Variants in MESD observed in about 807,000 individuals in gnomAD.
The protein encoded by MESD is LRP chaperone MESD.
A neutral mutation model predicts 12.9 loss-of-function variants in MESD; 7 were observed. The observed-to-expected ratio is 0.54, with a 90% CI of 0.31 to 1.02. The LOEUF (loss-of-function observed/expected upper bound fraction) is 1.02, where lower values mean the gene tolerates loss of function less well. Ranked by LOEUF, MESD falls within the 50% of genes least tolerant of loss-of-function variation. The probability of loss-of-function intolerance (pLI) is 0.05; values close to 1 mark genes in which losing one functional copy is unlikely to be tolerated. For synonymous variants in MESD, 126 were observed against 115.6 expected (o/e 1.09, Z -0.58); for missense variants, 342 against 296.7 (o/e 1.15, Z -1.12).
At chr15:80,961,332 A>C (rs1902084869) in intron 3 of MESD, among the ~76,000 whole-genome samples, 1 of 152,156 alleles carries the variant, frequency 6.6e-6, no homozygotes, top group Admixed American at 6.5e-5. Flanking sequence ...GCCAGATTAC[A>C]TAAGAAAAAA....
At chr15:80,982,891 G>A (rs539073523) in intron 1 of MESD, among the ~76,000 whole-genome samples, 1 of 152,018 alleles carries the variant, frequency 6.6e-6, no homozygotes, top group Non-Finnish European at 1.5e-5. Context: ...CATCAGCCTA[G>A]GCAACACAGT....
In MESD at chr15:80,978,885, C is replaced by CA. The variant is rs1412914041; in HGVS notation, c.*333dup. 3 of 337,672 alleles carry CA rather than the reference C, an allele frequency of 8.9e-6. No homozygotes were observed. The highest frequency in any genetic ancestry group is 6.3e-5 in the African/African-American group (3 of 47,550). The allele number at this position is 337,672 out of a possible 1,614,324, so 20.9% of individuals were successfully genotyped here. Reference sequence around the variant, plus strand: ...ATCAGAGCAGGCCACCCAATCACAGCAGGTGCTTGGAGGGGAGTGGAATCT... The same window carrying CA: ...ATCAGAGCAGGCCACCCAATCACAGCAAGGTGCTTGGAGGGGAGTGGAATCT... On this transcript the variant is annotated 3_prime_UTR_variant, in exon 3 of 3. Transcript: ENST00000261758.
chr15:80,985,676 T>C (rs76851956), intron 1 of MESD, among the ~76,000 whole-genome samples: 21,840 of 142,630 alleles, frequency 0.15, 1,895 homozygotes, highest in African/African-American at 0.22. Context: ...GATGGGGTCT[T>C]ACTCTATTAC....
rs1273065577 is a variant in MESD, at chr15:80,979,291, C to G, written c.633G>C (p.Lys211Asn). Residue 211 changes from lysine (K) to asparagine (N), a missense_variant, in exon 3 of 3, where the codon AAG becomes AAC. Lys to Asn is a moderately conservative substitution (Grantham distance 94). Coordinates refer to ENST00000261758, the MANE Select transcript of MESD (RefSeq NM_015154.3). ...ACCGAGATTTCAGATCTCCTTCCTT[C>G]TTTTTTTTGCCCTTGTCTTGCTTTG... ...NKTKQDKGKK[K>N]KEGDLKSRSS... 6.2e-7 allele frequency: 1 copy of G among 1,613,618 alleles called. No individual in the cohort carries two copies. The highest frequency in any genetic ancestry group is 2.2e-5 in the East Asian group (1 of 44,894).
chr15:80,955,690 G>A (rs561469774), intron 3 of MESD, among the ~76,000 whole-genome samples: 10 of 150,412 alleles, frequency 6.6e-5, no homozygotes, highest in South Asian at 2.1e-4. Flanking sequence ...ATGCAATCTC[G>A]GCTCCCTGCA....
At chr15:80,959,267 AG>A (rs1902043694) in intron 3 of MESD, among the ~76,000 whole-genome samples, 1 of 152,188 alleles carries the variant, frequency 6.6e-6, no homozygotes, top group Admixed American at 6.5e-5. Flanking sequence ...AGATGACCGA[AG>A]GTAGATGGAG....
chr15:80,955,487 C>CAA (rs1169755665), intron 3 of MESD, among the ~76,000 whole-genome samples: 3 of 45,596 alleles, frequency 6.6e-5, no homozygotes, highest in African/African-American at 9.1e-5. Flanking sequence ...GACTCCGTCT[C>CAA]AAAAAAAAAA....
downstream of MESD, chr15:80,946,961 A>C (rs1901581985): frequency 6.2e-7 from 1 of 1,605,402 alleles, no homozygotes; most frequent in Non-Finnish European, 8.5e-7. Flanking sequence ...TTCTTCTCAC[A>C]CAGTTCCATA....
chr15:80,970,478 C>A (rs1030728076), intron 3 of MESD: 1 of 152,192 alleles, frequency 6.6e-6, no homozygotes, highest in Non-Finnish European at 1.5e-5. Flanking sequence ...ACTATCTACT[C>A]CTCCACTGCA....
intron 3 of MESD, among the ~76,000 whole-genome samples, chr15:80,961,336 G>T (rs73507431): frequency 0.014 from 2,142 of 150,664 alleles, 51 homozygotes; most frequent in African/African-American, 0.05. Context: ...GATTACATAA[G>T]AAAAAATATA....
intron 2 of MESD, among the ~76,000 whole-genome samples, chr15:80,981,127 C>T (rs919783717): frequency 2.6e-5 from 4 of 151,632 alleles, no homozygotes; most frequent in Non-Finnish European, 4.4e-5. Context: ...CCCGGCAACG[C>T]TCTTCTTTAC....
intron 3 of MESD, among the ~76,000 whole-genome samples, chr15:80,968,876 C>A (rs767734971): frequency 6.6e-5 from 10 of 152,162 alleles, no homozygotes; most frequent in African/African-American, 2.2e-4. Flanking sequence ...TTAACTAATA[C>A]CAACCTTGTG....
At chr15:80,965,351 G>A (rs1902156342) in intron 3 of MESD, among the ~76,000 whole-genome samples, 1 of 152,200 alleles carries the variant, frequency 6.6e-6, no homozygotes, top group Non-Finnish European at 1.5e-5. Flanking sequence ...TTACACTGTT[G>A]GTGGGAGTGT....
At chr15:80,966,159 T>C (rs183196149) in intron 3 of MESD, among the ~76,000 whole-genome samples, 2 of 152,254 alleles carry the variant, frequency 1.3e-5, no homozygotes, top group African/African-American at 4.8e-5. Context: ...TTTTAGAAAA[T>C]ACTTAGCATA....
At chr15:80,983,572 C>T (rs1189152653) in intron 1 of MESD, among the ~76,000 whole-genome samples, 1 of 152,110 alleles carries the variant, frequency 6.6e-6, no homozygotes, top group African/African-American at 2.4e-5. Flanking sequence ...CATGGTTTTT[C>T]ATAGATTAAC....
chr15:80,948,682 T>G, exon 5 of MESD: 1 of 1,373,198 alleles, frequency 7.3e-7, no homozygotes, highest in Non-Finnish European at 1.0e-6. Flanking sequence ...CAGTGCAGTG[T>G]GGCTAGGCGG....
downstream of MESD, chr15:80,975,633 A>G (rs995786983): frequency 2.6e-5 from 4 of 152,072 alleles, no homozygotes; most frequent in Non-Finnish European, 5.9e-5. Flanking sequence ...AAAAAAAAAA[A>G]GAGGTTTAAC....
rs558758441 is a variant in MESD, at chr15:80,989,771, C to T, written c.21G>A (p.Ala7=). MAASRW[A]RKAVVLLCAS... ...CACAAAGCAGGACCACGGCCTTGCG[C>T]GCCCACCTGGAAGCCGCCATTTTCG... The change falls in exon 1 of 3, where the codon GCG becomes GCA. Residue 7 remains alanine (A), a synonymous_variant. Coordinates refer to ENST00000261758, the MANE Select transcript of MESD (RefSeq NM_015154.3). The T allele has an allele frequency of 8.8e-6, 14 of 1,591,092 alleles. No individual in the cohort carries two copies. In the African/African-American group the frequency reaches 1.6e-4, roughly 18 times the overall value.
intron 3 of MESD, among the ~76,000 whole-genome samples, chr15:80,963,977 G>C (rs927398735): frequency 2.0e-5 from 3 of 152,156 alleles, no homozygotes; most frequent in African/African-American, 7.2e-5. Context: ...GTTCTGGCCA[G>C]GGCAATCAGG....
Sources: gnomAD v4.1 joint callset for allele counts (sites outside exome capture counted in the v4.1 genomes callset) on GRCh38, gnomAD v4.1.1 for gene constraint, MANE v1.5 for transcripts, NCBI Gene and HGNC (gene_info 2026-07-23, HGNC 2026-07-21) for gene names.